PDE1A: variants seen among roughly 807,000 people sequenced by gnomAD.
The protein encoded by PDE1A is dual specificity calcium/calmodulin-dependent 3',5'-cyclic nucleotide phosphodiesterase 1A.
PDE1A carries 35 observed loss-of-function variants against 61.7 expected under a neutral mutation model. The observed-to-expected ratio is 0.57, with a 90% confidence interval of 0.43 to 0.75. The LOEUF (loss-of-function observed/expected upper bound fraction) is 0.75. PDE1A is among the 30% of genes least tolerant of loss of function. PDE1A has a pLI of 0.00. For synonymous variants in PDE1A, 232 were observed against 213.2 expected, an observed-to-expected ratio of 1.09 and a Z score of -0.77; for missense variants, 597 against 630.6, an observed-to-expected ratio of 0.95 and a Z score of 0.57.
chr2:182,643,079 C>T, the PDE1A span, among the ~76,000 whole-genome samples: 1 of 152,174 alleles, frequency 6.6e-6, no homozygotes, highest in African/African-American at 2.4e-5. Context: ...TGCAGCCCTC[C>T]AGGTGAGGCA....
At chr2:182,495,420 T>C (rs909286377) in intron 2 of PDE1A, among the ~76,000 whole-genome samples, 1 of 152,154 alleles carries the variant, frequency 6.6e-6, no homozygotes, top group Admixed American at 6.5e-5. Context: ...TTGGCACCTT[T>C]TGAAATTTTC....
At chr2:182,283,699 A>T (rs190566290) in intron 1 of PDE1A, among the ~76,000 whole-genome samples, 2 of 152,226 alleles carry the variant, frequency 1.3e-5, no homozygotes, top group Non-Finnish European at 2.9e-5. Flanking sequence ...AATCATGCTT[A>T]GGAACTGGGG....
intron 2 of PDE1A, among the ~76,000 whole-genome samples, chr2:182,490,606 C>T (rs1688320165): frequency 1.3e-5 from 2 of 152,130 alleles, no homozygotes; most frequent in Admixed American, 1.3e-4. Context: ...ATCTCCTGAA[C>T]TCATGATCCA....
At chr2:182,172,328 A>G (rs1356689002) in intron 13 of PDE1A, among the ~76,000 whole-genome samples, 2 of 152,040 alleles carry the variant, frequency 1.3e-5, no homozygotes, top group Admixed American at 1.3e-4. Context: ...CTCAAGAAAA[A>G]AAGATGATAG....
intron 2 of PDE1A, among the ~76,000 whole-genome samples, chr2:182,480,745 C>A (rs146249607): frequency 3.0e-4 from 46 of 151,956 alleles, no homozygotes; most frequent in African/African-American, 1.1e-3. Context: ...CAATCCCCCA[C>A]GATAATGAGG....
intron 1 of PDE1A, among the ~76,000 whole-genome samples, chr2:182,326,735 A>AT (rs1313681865): frequency 2.6e-5 from 4 of 152,144 alleles, no homozygotes; most frequent in Non-Finnish European, 4.4e-5. Flanking sequence ...CACAATAATA[A>AT]TTTTTTCTTA....
the PDE1A span, among the ~76,000 whole-genome samples, chr2:182,709,234 C>G: frequency 1.3e-5 from 2 of 152,030 alleles, no homozygotes; most frequent in African/African-American, 4.8e-5. Context: ...CACTTCAGCC[C>G]CAAATTAAGT....
At chr2:182,463,518 A>G (rs1016287311) in intron 2 of PDE1A, 5 of 152,152 alleles carry the variant, frequency 3.3e-5, no homozygotes, top group African/African-American at 1.2e-4. Context: ...TACTTCAACT[A>G]GAAAAGAAAT....
chr2:182,347,121 A>T (rs1654786006), intron 1 of PDE1A, among the ~76,000 whole-genome samples: 1 of 28,368 alleles, frequency 3.5e-5, no homozygotes, highest in African/African-American at 1.3e-4. Context: ...GTTACCAAAA[A>T]GCTGAGTTTT....
intron 1 of PDE1A, among the ~76,000 whole-genome samples, chr2:182,280,543 TCTAGATTGAAAA>T (rs1693734186): frequency 6.6e-6 from 1 of 151,960 alleles, no homozygotes; most frequent in Non-Finnish European, 1.5e-5. Context: ...GACAGAATAT[TCTAGATTGAAAA>T]GAATTTTCTC....
chr2:182,571,674 T>A, the PDE1A span, among the ~76,000 whole-genome samples: 4 of 149,650 alleles, frequency 2.7e-5, no homozygotes, highest in African/African-American at 5.1e-5. Flanking sequence ...TATTTAAAAA[T>A]AATAATAATA....
intron 11 of PDE1A, among the ~76,000 whole-genome samples, chr2:182,188,169 G>T (rs1214278230): frequency 6.6e-6 from 1 of 152,118 alleles, no homozygotes; most frequent in African/African-American, 2.4e-5. Context: ...TGCCACATCA[G>T]GTCCTTAGCC....
intron 3 of PDE1A, among the ~76,000 whole-genome samples, chr2:182,239,754 A>G (rs1690351701): frequency 1.3e-5 from 2 of 152,204 alleles, no homozygotes; most frequent in Non-Finnish European, 2.9e-5. Flanking sequence ...TGTAGAATGT[A>G]TTTCATGAAA....
chr2:182,199,384 T>C (rs539025833), intron 10 of PDE1A, among the ~76,000 whole-genome samples: 1 of 152,178 alleles, frequency 6.6e-6, no homozygotes, highest in African/African-American at 2.4e-5. Flanking sequence ...TTCTAGCTTC[T>C]TAAGGTGAAA....
At chr2:182,611,364 T>A in the PDE1A span, among the ~76,000 whole-genome samples, 5 of 152,164 alleles carry the variant, frequency 3.3e-5, no homozygotes, top group African/African-American at 1.2e-4. Context: ...AAACCACCCC[T>A]TCCCAAAATG....
intron 10 of PDE1A, among the ~76,000 whole-genome samples, chr2:182,198,577 T>C (rs4666578): frequency 0.74 from 112,915 of 151,686 alleles, 42,224 homozygotes; most frequent in East Asian, 0.91. Flanking sequence ...GCATTTTGCA[T>C]ATCTATAGGG....
intron 2 of PDE1A, among the ~76,000 whole-genome samples, chr2:182,432,933 C>A (rs1311584779): frequency 6.6e-6 from 1 of 152,026 alleles, no homozygotes; most frequent in East Asian, 1.9e-4. Context: ...AGTTTGGGAA[C>A]CTTGGTCATT....
chr2:182,619,948 T>G, the PDE1A span, among the ~76,000 whole-genome samples: 1 of 151,142 alleles, frequency 6.6e-6, no homozygotes, highest in Non-Finnish European at 1.5e-5. Flanking sequence ...CTTCCAGAAG[T>G]TTTTTTTTAA....
chr2:182,215,123 G>A (rs1198392678), intron 7 of PDE1A, among the ~76,000 whole-genome samples: 13 of 54,252 alleles, frequency 2.4e-4, no homozygotes, highest in East Asian at 9.9e-4. Flanking sequence ...ACTCAAAACC[G>A]CTCAACTACA....
Sources: allele counts gnomAD v4.1 joint callset (sites outside exome capture counted in the v4.1 genomes callset), GRCh38; gene constraint gnomAD v4.1.1; transcripts MANE v1.5; gene names NCBI Gene and HGNC (gene_info 2026-07-23, HGNC 2026-07-21).